RABGAP1L: variants seen among roughly 807,000 people sequenced by gnomAD.
RABGAP1L encodes RAB GTPase activating protein 1 like.
Under a neutral mutation model 137.7 loss-of-function variants are expected in RABGAP1L, and 63 were observed. That is an observed-to-expected ratio of 0.46 (90% CI 0.37 to 0.56). The LOEUF (loss-of-function observed/expected upper bound fraction) is 0.56. RABGAP1L is among the 20% of genes least tolerant of loss of function. The probability of loss-of-function intolerance (pLI) is 0.00; values close to 1 mark genes in which losing one functional copy is unlikely to be tolerated. For synonymous variants in RABGAP1L, 431 were observed against 433.7 expected (o/e 0.99, Z 0.08); for missense variants, 1,095 against 1,244.0 (o/e 0.88, Z 1.80).
At chr1:174,221,226 A>AAGATGAAAATCAGAAAAAATTGTTG in intron 3 of RABGAP1L, 62 bp downstream of exon 3, 1 of 1,307,998 alleles carries the variant, frequency 7.6e-7, no homozygotes, top group Non-Finnish European at 1.0e-6. Flanking sequence ...TGAAAATTTT[A>AAGATGAAAATCAGAAAAAATTGTTG]AGATGAAAAT....
At chr1:174,500,282 A>G (rs1009367311) in intron 13 of RABGAP1L, among the ~76,000 whole-genome samples, 1 of 151,974 alleles carries the variant, frequency 6.6e-6, no homozygotes, top group Admixed American at 6.6e-5. Context: ...GTTTTACCAC[A>G]TTGGCCAGGG....
At chr1:174,734,884 C>A (rs978222510) in intron 17 of RABGAP1L, among the ~76,000 whole-genome samples, 3 of 150,090 alleles carry the variant, frequency 2.0e-5, no homozygotes, top group African/African-American at 7.4e-5. Context: ...TTGAGTCACA[C>A]TTATGCTTAT....
intron 13 of RABGAP1L, among the ~76,000 whole-genome samples, chr1:174,547,668 T>C (rs534113847): frequency 6.6e-6 from 1 of 152,276 alleles, no homozygotes; most frequent in South Asian, 2.1e-4. Context: ...TAACTTTCTT[T>C]AAATGTGTGT....
chr1:174,612,593 C>G (rs548245529), intron 13 of RABGAP1L, among the ~76,000 whole-genome samples: 66 of 152,174 alleles, frequency 4.3e-4, no homozygotes, highest in East Asian at 1.4e-3. Flanking sequence ...GGAGGATTCC[C>G]TCTTTTTCTA....
At chr1:174,516,995 G>A (rs1235287403) in intron 13 of RABGAP1L, among the ~76,000 whole-genome samples, 7 of 151,396 alleles carry the variant, frequency 4.6e-5, no homozygotes, top group Admixed American at 2.0e-4. Context: ...GCTTTGAAAC[G>A]TATGTTGTTA....
At chr1:174,872,838 T>G (rs1275628676) in intron 19 of RABGAP1L, among the ~76,000 whole-genome samples, 2 of 152,084 alleles carry the variant, frequency 1.3e-5, no homozygotes, top group Non-Finnish European at 2.9e-5. Flanking sequence ...CAGCCTTTCT[T>G]ATAGTTATTT....
chr1:174,974,657 G>A (rs182366534), intron 21 of RABGAP1L, among the ~76,000 whole-genome samples: 20 of 152,164 alleles, frequency 1.3e-4, no homozygotes, highest in African/African-American at 2.6e-4. Flanking sequence ...GGACTTTTTC[G>A]CCTTAACTAC....
At chr1:174,759,903 T>C (rs934275817) in intron 18 of RABGAP1L, among the ~76,000 whole-genome samples, 7 of 152,158 alleles carry the variant, frequency 4.6e-5, no homozygotes, top group African/African-American at 1.7e-4. Flanking sequence ...CACCTCCCAC[T>C]CGGCCCTACC....
intron 19 of RABGAP1L, among the ~76,000 whole-genome samples, chr1:174,953,936 C>G (rs1343076473): frequency 6.6e-6 from 1 of 152,168 alleles, no homozygotes; most frequent in Admixed American, 6.5e-5. Context: ...CTTAAACAAA[C>G]TTGTTTACTT....
intron 3 of RABGAP1L, among the ~76,000 whole-genome samples, chr1:174,223,557 A>C (rs1163421025): frequency 1.3e-5 from 2 of 152,048 alleles, no homozygotes; most frequent in African/African-American, 4.8e-5. Context: ...AGGAAGAAAC[A>C]AAAATTTATG....
intron 13 of RABGAP1L, among the ~76,000 whole-genome samples, chr1:174,619,116 G>A (rs917689393): frequency 6.6e-6 from 1 of 152,152 alleles, no homozygotes; most frequent in Non-Finnish European, 1.5e-5. Context: ...AATGAACAAA[G>A]CCTCCAAGAA....
At chr1:174,418,195 A>G (rs1392902317) in intron 13 of RABGAP1L, among the ~76,000 whole-genome samples, 3 of 152,076 alleles carry the variant, frequency 2.0e-5, no homozygotes, top group East Asian at 3.9e-4. Context: ...GCTGTACATC[A>G]CTCCAAAATG....
intron 15 of RABGAP1L, among the ~76,000 whole-genome samples, chr1:174,692,188 A>C (rs1279772712): frequency 6.6e-6 from 1 of 152,142 alleles, no homozygotes; most frequent in Non-Finnish European, 1.5e-5. Context: ...GAATTTTGCT[A>C]GTTTATCTTA....
chr1:174,527,179 T>G (rs1205303971), intron 13 of RABGAP1L, among the ~76,000 whole-genome samples: 2 of 151,280 alleles, frequency 1.3e-5, no homozygotes, highest in Non-Finnish European at 2.9e-5. Context: ...CATTGTGGTC[T>G]GAGAAAACAT....
intron 13 of RABGAP1L, among the ~76,000 whole-genome samples, chr1:174,581,134 T>C (rs1447063402): frequency 2.6e-5 from 4 of 152,120 alleles, no homozygotes; most frequent in African/African-American, 4.8e-5. Flanking sequence ...AGATTAGATA[T>C]ATAGTTACCA....
At chr1:174,412,158 G>A (rs929575820) in intron 13 of RABGAP1L, among the ~76,000 whole-genome samples, 8 of 152,016 alleles carry the variant, frequency 5.3e-5, no homozygotes, top group African/African-American at 1.2e-4. Flanking sequence ...AAACTTGGGC[G>A]TGTATATATT....
chr1:174,555,702 A>G (rs74783550), intron 13 of RABGAP1L, among the ~76,000 whole-genome samples: 3,193 of 152,274 alleles, frequency 0.021, 117 homozygotes, highest in African/African-American at 0.074. Flanking sequence ...TTTGCAGTGG[A>G]TATTGATAGT....
At chr1:174,790,209 CAA>C (rs112964112) in intron 18 of RABGAP1L, among the ~76,000 whole-genome samples, 4 of 124,858 alleles carry the variant, frequency 3.2e-5, no homozygotes, top group Admixed American at 8.1e-5. Flanking sequence ...GACTTTGTCT[CAA>C]AAAAAAAAAA....
intron 10 of RABGAP1L, among the ~76,000 whole-genome samples, chr1:174,304,073 G>T (rs1195273599): frequency 1.3e-5 from 2 of 152,054 alleles, no homozygotes; most frequent in Admixed American, 6.6e-5. Context: ...TCTTTATCAG[G>T]TTGAGGAAAC....
Sources: allele counts gnomAD v4.1 joint callset (sites outside exome capture counted in the v4.1 genomes callset), GRCh38; gene constraint gnomAD v4.1.1; transcripts MANE v1.5; gene names NCBI Gene and HGNC (gene_info 2026-07-23, HGNC 2026-07-21).